Variants in MAD1L1 observed in about 807,000 individuals in gnomAD.
MAD1L1 encodes the protein mitotic spindle assembly checkpoint protein MAD1.
MAD1L1 carries 95 observed loss-of-function variants against 96.9 expected under a neutral mutation model. The observed-to-expected ratio is 0.98, with a 90% CI of 0.83 to 1.16. The LOEUF (loss-of-function observed/expected upper bound fraction) is 1.16. Ranked by LOEUF, MAD1L1 falls within the 50% of genes most tolerant of loss-of-function variation. The pLI is 0.00. For synonymous variants in MAD1L1, 473 were observed against 396.6 expected (o/e 1.19, Z -2.29); for missense variants, 1,007 against 954.4 (o/e 1.06, Z -0.73).
intron 12 of MAD1L1, 70 bp from the exon 13 acceptor site, chr7:2,014,712 G>A (rs775810818): frequency 8.0e-6 from 12 of 1,503,930 alleles, no homozygotes; most frequent in Non-Finnish European, 1.1e-5. Context: ...ACGGCTCAGG[G>A]AAGGCCCCAC....
intron 12 of MAD1L1, among the ~76,000 whole-genome samples, chr7:2,052,800 C>T (rs1333010667): frequency 2.0e-5 from 3 of 152,158 alleles, no homozygotes; most frequent in South Asian, 4.1e-4. Flanking sequence ...CAGACTGCTG[C>T]CCGGAACAGA....
chr7:1,971,872 G>A (rs1043065316), intron 15 of MAD1L1, among the ~76,000 whole-genome samples: 7 of 152,244 alleles, frequency 4.6e-5, no homozygotes, highest in Non-Finnish European at 8.8e-5. Context: ...AACAATTTCC[G>A]GAAGCAGGGA....
At chr7:1,876,557 C>T (rs1785395864) in intron 18 of MAD1L1, among the ~76,000 whole-genome samples, 4 of 152,052 alleles carry the variant, frequency 2.6e-5, no homozygotes, top group Admixed American at 2.6e-4. Context: ...CAGAATAATC[C>T]AGGAAGGGGG....
At chr7:2,052,314 GC>G (rs1784216550) in intron 12 of MAD1L1, among the ~76,000 whole-genome samples, 1 of 152,336 alleles carries the variant, frequency 6.6e-6, no homozygotes, top group Admixed American at 6.5e-5. Flanking sequence ...CGTAGTAGGA[GC>G]CCCAGGCCTG....
chr7:1,844,194 G>A (rs1301854386), intron 18 of MAD1L1: 1 of 154,520 alleles, frequency 6.5e-6, no homozygotes, highest in African/African-American at 2.4e-5. Context: ...GGGCTCCCCG[G>A]GGACCTGACG....
rs114704595 is a variant in MAD1L1 at position 2,183,188 on chromosome 7, G to C, written c.986+30024C>G. Among the ~76,000 whole-genome samples the C allele has an allele frequency of 9.4e-3, 1,432 of 151,676 alleles. 21 individuals carry two copies. Among genetic ancestry groups the C allele is most frequent in the African/African-American group, 0.032 (1,336 of 41,298 alleles). The stretch of plus-strand genomic sequence containing the variant: ...TGATCGCGCCACTGCATCCTGGCCT[G>C]GGTGACAGAGCAAGACTCTGCCTCA... On this transcript the variant is annotated intron_variant, in intron 10 of 18. Transcript: ENST00000265854.
At chr7:2,092,580 T>G (rs571809994) in intron 11 of MAD1L1, among the ~76,000 whole-genome samples, 4 of 152,288 alleles carry the variant, frequency 2.6e-5, no homozygotes, top group Admixed American at 2.6e-4. Context: ...CTCACACACC[T>G]GCCCTCTGGA....
intron 14 of MAD1L1, among the ~76,000 whole-genome samples, chr7:1,999,870 T>C (rs1034665407): frequency 2.7e-4 from 41 of 152,248 alleles, no homozygotes; most frequent in African/African-American, 8.7e-4. Context: ...AGTCTGACTG[T>C]CCCCTGAAAA....
chr7:2,043,136 G>C (rs530294510), intron 12 of MAD1L1, among the ~76,000 whole-genome samples: 1 of 152,300 alleles, frequency 6.6e-6, no homozygotes, highest in African/African-American at 2.4e-5. Flanking sequence ...AGTGTAAGGG[G>C]GGGCCTGAAT....
intron 18 of MAD1L1, among the ~76,000 whole-genome samples, chr7:1,857,153 G>C (rs1784297936): frequency 6.6e-6 from 1 of 152,216 alleles, no homozygotes; most frequent in Non-Finnish European, 1.5e-5. Flanking sequence ...ACAGCAGCCA[G>C]AGCCACGGTT....
At chr7:1,997,460 C>A (rs1490711134) in intron 14 of MAD1L1, among the ~76,000 whole-genome samples, 1 of 152,264 alleles carries the variant, frequency 6.6e-6, no homozygotes, top group Non-Finnish European at 1.5e-5. Context: ...GAGCCAGTCA[C>A]AGGGAACTGG....
chr7:1,927,311 AGACT>A (rs1162217919), intron 17 of MAD1L1, among the ~76,000 whole-genome samples: 1 of 152,254 alleles, frequency 6.6e-6, no homozygotes, highest in African/African-American at 2.4e-5. Flanking sequence ...GATGCTCCCC[AGACT>A]GACTGACAGA....
intron 18 of MAD1L1, chr7:1,845,480 C>T (rs1783552249): frequency 4.1e-5 from 3 of 72,412 alleles, no homozygotes; most frequent in Non-Finnish European, 8.8e-5. Context: ...CGCAGAGACG[C>T]GTCGGGCTCT....
chr7:2,062,062 G>A (rs1489855521), intron 12 of MAD1L1, among the ~76,000 whole-genome samples: 1 of 151,740 alleles, frequency 6.6e-6, no homozygotes, highest in African/African-American at 2.4e-5. Flanking sequence ...CCAACATGGT[G>A]AAACCCCGTC....
intron 16 of MAD1L1, among the ~76,000 whole-genome samples, chr7:1,941,854 C>A (rs1368528746): frequency 7.0e-6 from 1 of 143,798 alleles, no homozygotes; most frequent in South Asian, 2.4e-4. Context: ...CCCAGGAGGG[C>A]GAGGGAAGTG....
chr7:2,197,618 C>A (rs1412397168), intron 10 of MAD1L1, among the ~76,000 whole-genome samples: 1 of 152,198 alleles, frequency 6.6e-6, no homozygotes, highest in Non-Finnish European at 1.5e-5. Flanking sequence ...CCCGGTGAGG[C>A]ACTGGCCCTC....
At chr7:1,867,707 C>G in intron 18 of MAD1L1, among the ~76,000 whole-genome samples, 1 of 152,316 alleles carries the variant, frequency 6.6e-6, no homozygotes, top group South Asian at 2.1e-4. Flanking sequence ...CGGGGCAGAG[C>G]TCCTGCAGGG....
chr7:1,887,008 G>C (rs951344406), intron 18 of MAD1L1, among the ~76,000 whole-genome samples: 3 of 152,264 alleles, frequency 2.0e-5, no homozygotes, highest in Non-Finnish European at 2.9e-5. Context: ...GCGGCAGGGA[G>C]AACAGGAAGA....
At chr7:1,876,861 C>T (rs1785413038) in intron 18 of MAD1L1, among the ~76,000 whole-genome samples, 1 of 143,158 alleles carries the variant, frequency 7.0e-6, no homozygotes, top group Non-Finnish European at 1.5e-5. Context: ...AGGATGTCAA[C>T]AGTATTTGTA....
Sources: gnomAD v4.1 joint callset for allele counts (sites outside exome capture counted in the v4.1 genomes callset) on GRCh38, gnomAD v4.1.1 for gene constraint, MANE v1.5 for transcripts, NCBI Gene and HGNC (gene_info 2026-07-23, HGNC 2026-07-21) for gene names.